Variants in LIPC observed in about 807,000 individuals in gnomAD.
LIPC encodes the protein hepatic triacylglycerol lipase.
In LIPC, 44 loss-of-function variants were observed where a neutral mutation model predicts 50.7. That is an observed-to-expected ratio of 0.87 (90% CI 0.68 to 1.11). The LOEUF (loss-of-function observed/expected upper bound fraction) is 1.11, where lower values mean the gene tolerates loss of function less well. LIPC is among the 50% of genes most tolerant of loss of function. The pLI is 0.00. For synonymous variants in LIPC, 271 were observed against 256.4 expected, an observed-to-expected ratio of 1.06 and a Z score of -0.54; for missense variants, 697 against 648.2, an observed-to-expected ratio of 1.08 and a Z score of -0.82.
At chr15:58,504,700 T>A (rs1173245551) in intron 1 of LIPC, among the ~76,000 whole-genome samples, 1 of 152,224 alleles carries the variant, frequency 6.6e-6, no homozygotes, top group Admixed American at 6.5e-5. Flanking sequence ...GAAAGGAAAT[T>A]TCTACCATTA....
intron 2 of LIPC, among the ~76,000 whole-genome samples, chr15:58,540,249 G>A (rs1313072449): frequency 2.0e-5 from 3 of 152,166 alleles, no homozygotes; most frequent in African/African-American, 7.2e-5. Flanking sequence ...TCAAAATTCT[G>A]TCCAACCTAG....
intron 1 of LIPC, among the ~76,000 whole-genome samples, chr15:58,489,590 A>G (rs1233190543): frequency 3.9e-5 from 6 of 152,178 alleles, no homozygotes; most frequent in Admixed American, 2.6e-4. Flanking sequence ...GTCCGGATGT[A>G]GTCAGTCTAA....
chr15:58,448,427 G>A (rs954706316), intron 1 of LIPC, among the ~76,000 whole-genome samples: 6 of 152,318 alleles, frequency 3.9e-5, no homozygotes, highest in South Asian at 4.1e-4. Flanking sequence ...AACTTCACAC[G>A]CATTTATCAA....
intron 6 of LIPC, among the ~76,000 whole-genome samples, chr15:58,557,002 T>C (rs1381471195): frequency 2.0e-5 from 3 of 152,250 alleles, no homozygotes; most frequent in African/African-American, 7.2e-5. Context: ...GCCATCCCTC[T>C]ATTACTGAAT....
intron 1 of LIPC, among the ~76,000 whole-genome samples, chr15:58,484,668 A>T (rs1339527613): frequency 2.6e-5 from 4 of 152,252 alleles, no homozygotes; most frequent in Non-Finnish European, 5.9e-5. Context: ...CTCATGGGGC[A>T]TGGGCCCTGG....
chr15:58,436,649 C>T (rs771447745), intron 1 of LIPC: 1 of 449,804 alleles, frequency 2.2e-6, no homozygotes, highest in South Asian at 1.6e-5. Context: ...ATGAGGTATA[C>T]CACTGAGTCA....
chr15:58,452,310 C>A (rs1893930820), intron 1 of LIPC, among the ~76,000 whole-genome samples: 1 of 152,214 alleles, frequency 6.6e-6, no homozygotes, highest in African/African-American at 2.4e-5. Flanking sequence ...CTGAAACAGG[C>A]ACCAAAGTTT....
intron 6 of LIPC, among the ~76,000 whole-genome samples, chr15:58,558,499 AGT>A (rs1894037397): frequency 6.6e-6 from 1 of 152,240 alleles, no homozygotes. Context: ...AGCTACAGAC[AGT>A]GGGCAATTAG....
chr15:58,537,989 T>G (rs1893191290), intron 1 of LIPC, among the ~76,000 whole-genome samples: 1 of 152,194 alleles, frequency 6.6e-6, no homozygotes, highest in South Asian at 2.1e-4. Flanking sequence ...TCTATCAGTT[T>G]TTGGCAGTGT....
chr15:58,490,219 G>A (rs1323111981), intron 1 of LIPC, among the ~76,000 whole-genome samples: 1 of 152,172 alleles, frequency 6.6e-6, no homozygotes, highest in Non-Finnish European at 1.5e-5. Flanking sequence ...CGGGAAGATG[G>A]CAGGCACAGG....
intron 1 of LIPC, among the ~76,000 whole-genome samples, chr15:58,504,375 A>T (rs558869149): frequency 6.6e-6 from 1 of 152,326 alleles, no homozygotes; most frequent in East Asian, 1.9e-4. Flanking sequence ...TTCAGAAAAG[A>T]TGCTTTTTGA....
At chr15:58,518,435 T>C (rs1892549359) in intron 1 of LIPC, among the ~76,000 whole-genome samples, 1 of 152,168 alleles carries the variant, frequency 6.6e-6, no homozygotes, top group African/African-American at 2.4e-5. Context: ...ACCACGAAAC[T>C]TGGCCGTGAG....
rs545595037 is a variant in LIPC at position 58,459,797 on chromosome 15, T to C, written c.88+27677T>C. 5.8e-4 allele frequency among the ~76,000 whole-genome samples: 88 copies of C among 152,292 alleles called. No homozygotes were observed. The South Asian group carries it at 0.017, about 29-fold the overall frequency. ...GAACAGATGCCCGCTCCCTTACCCC[T>C]TGGGGGAAGGACAGAGGTATCTGAG... is the stretch of plus-strand genomic sequence containing the variant. On this transcript the variant is annotated intron_variant, in intron 1 of 8. Coordinates refer to ENST00000299022, the MANE Select transcript of LIPC (RefSeq NM_000236.3).
rs748163491 is a variant in LIPC at position 58,563,730 on chromosome 15, G to A, written c.1388+7G>A. ...CAGGAGAAACCCAGCAAAGGTGACT[G>A]CTGATTCAATCTCCTATTAACGTCC... is the stretch of plus-strand genomic sequence containing the variant. On this transcript the variant is annotated splice_region_variant and intron_variant, in intron 8 of 8. Transcript: ENST00000299022. 6 of 1,610,412 alleles carry A rather than the reference G, an allele frequency of 3.7e-6. No individual in the cohort carries two copies. The highest frequency in any genetic ancestry group is 1.7e-5 in the Admixed American group (1 of 59,908).
intron 2 of LIPC, 131 bp from the exon 3 acceptor site, chr15:58,541,654 A>T (rs1893327743): frequency 2.2e-6 from 2 of 920,858 alleles, no homozygotes; most frequent in Non-Finnish European, 3.4e-6. Context: ...CTGGCCCAAA[A>T]TGTCAACTGT....
At chr15:58,543,916 C>T (rs967669884) in intron 4 of LIPC, among the ~76,000 whole-genome samples, 1 of 152,110 alleles carries the variant, frequency 6.6e-6, no homozygotes, top group Non-Finnish European at 1.5e-5. Context: ...CCACCACGGC[C>T]GGCCATGAGG....
At chr15:58,509,179 C>T (rs1474063659) in intron 1 of LIPC, among the ~76,000 whole-genome samples, 2 of 152,178 alleles carry the variant, frequency 1.3e-5, no homozygotes, top group East Asian at 3.8e-4. Flanking sequence ...TACATCAATC[C>T]ACTGTGAATG....
chr15:58,508,724 GTT>G (rs372207098), intron 1 of LIPC, among the ~76,000 whole-genome samples: 27 of 57,030 alleles, frequency 4.7e-4, no homozygotes, highest in Admixed American at 6.1e-4. Context: ...ATTAGTCCCA[GTT>G]TTTTTTTGGA....
chr15:58,474,513 G>GAAAAAA (rs67354532), intron 1 of LIPC, among the ~76,000 whole-genome samples: 16 of 130,756 alleles, frequency 1.2e-4, no homozygotes, highest in African/African-American at 4.4e-4. Context: ...CCTGTCTCAG[G>GAAAAAA]AAAAAAAAAA....
Sources: allele counts gnomAD v4.1 joint callset (sites outside exome capture counted in the v4.1 genomes callset), GRCh38; gene constraint gnomAD v4.1.1; transcripts MANE v1.5; gene names NCBI Gene and HGNC (gene_info 2026-07-23, HGNC 2026-07-21).